The following ATP6V1B1 variants were observed in gnomAD, a reference collection of about 807,000 sequenced individuals.
ATP6V1B1 encodes V-type proton ATPase subunit B, kidney isoform.
ATP6V1B1 carries 41 observed loss-of-function variants against 62.1 expected under a neutral mutation model. That is an observed-to-expected ratio of 0.66 (90% CI 0.51 to 0.86). ATP6V1B1 has a LOEUF of 0.86. Ranked by LOEUF, ATP6V1B1 falls within the 40% of genes least tolerant of loss-of-function variation. The pLI, the probability that ATP6V1B1 is intolerant of heterozygous loss-of-function variation, is 0.00. For synonymous variants in ATP6V1B1, 253 were observed against 273.4 expected (o/e 0.93, Z 0.74); for missense variants, 651 against 697.5 (o/e 0.93, Z 0.75).
chr2:70,940,544 G>A (rs1679966818), intron 1 of ATP6V1B1: 1 of 985,334 alleles, frequency 1.0e-6, no homozygotes, highest in African/African-American at 1.7e-5. Flanking sequence ...AACACCATGT[G>A]GGTGTGGGAG....
rs782018763 is a variant in ATP6V1B1, at chr2:70,958,085, G to A, written c.214G>A (p.Asp72Asn). The A allele has an allele frequency of 6.2e-6, 10 of 1,614,188 alleles. No homozygotes were observed. In the South Asian group the frequency reaches 7.7e-5, roughly 12 times the overall value. The change falls in exon 3 of 14, where the codon GAT becomes AAT. Residue 72 changes from aspartate to asparagine, a missense_variant. Physicochemically the swap from Asp to Asn is conservative, Grantham distance 23. Coordinates refer to ENST00000234396, the MANE Select transcript of ATP6V1B1 (RefSeq NM_001692.4). ...GGAGATCGTCCACTTCACCCTCCCAGATGGGACTCAGAGGAGCGGGCAGGT... is the reference window on the plus strand; with the variant it reads ...GGAGATCGTCCACTTCACCCTCCCAAATGGGACTCAGAGGAGCGGGCAGGT... ...YAEIVHFTLP[D>N]GTQRSGQVLE...
chr2:70,964,234 C>T (rs977617692), intron 11 of ATP6V1B1: 2 of 569,102 alleles, frequency 3.5e-6, no homozygotes, highest in African/African-American at 3.8e-5. Flanking sequence ...TGTCATCTTC[C>T]CCCTCCACTG....
chr2:70,956,843 C>T (rs1680447887), intron 2 of ATP6V1B1, among the ~76,000 whole-genome samples: 1 of 152,100 alleles, frequency 6.6e-6, no homozygotes, highest in Admixed American at 6.5e-5. Context: ...CCTCAGCCTC[C>T]CAAAGTGCTG....
Position 70,942,304 on chromosome 2 carries a change from G to A in ATP6V1B1, c.119-1354G>A, listed in dbSNP as rs183657733. 468 of 398,894 alleles carry A rather than the reference G, an allele frequency of 1.2e-3. 1 individual carries two copies. Among genetic ancestry groups the A allele is most frequent in the Non-Finnish European group, 1.6e-3 (371 of 226,288 alleles). 24.7% of individuals were successfully genotyped at this position (398,894 alleles called of 1,614,324 possible). A position where few individuals can be genotyped will look rare whatever the true frequency, so the allele number is the denominator to read the frequency against. On this transcript the variant is annotated intron_variant, in intron 1 of 13. Transcript: ENST00000234396. ...GGGAGATCCCCTGCTCTGGCAAAGT[G>A]CAAGTTGAACTTATCTTCTCTGGCT... is the stretch of plus-strand genomic sequence containing the variant.
In ATP6V1B1 at chr2:70,963,069, C is replaced by G. The variant is rs1680629037; in HGVS notation, c.910-93C>G. On this transcript the variant is annotated intron_variant, in intron 9 of 13. Coordinates refer to ENST00000234396, the MANE Select transcript of ATP6V1B1 (RefSeq NM_001692.4). The surrounding 1 kb of genome is among the most constrained non-coding windows in gnomAD (Gnocchi z 4.3). Reference sequence around the variant, plus strand: ...GGCCATTCCTCCCCTGCCCCCCACTCCATTTCTCACAGGGTCACTGAACCT... The same window carrying G: ...GGCCATTCCTCCCCTGCCCCCCACTGCATTTCTCACAGGGTCACTGAACCT... 1 of 1,604,426 alleles carries G rather than the reference C, an allele frequency of 6.2e-7. No individual in the cohort carries two copies. Among genetic ancestry groups the G allele is most frequent in the East Asian group, 2.2e-5 (1 of 44,822 alleles).
At position 70,964,632 on chromosome 2, in the gene ATP6V1B1, G is replaced by C. The variant is rs1418832000; in HGVS notation, c.1248+90G>C. ...CATCTGAAGGACAAGCTTTTCTCCT[G>C]GCAAAATTCCTTTCCGAACGGGGTC... On this transcript the variant is annotated intron_variant, in intron 12 of 13. Transcript: ENST00000234396. 3.1e-6 allele frequency: 5 copies of C among 1,611,774 alleles called. No homozygotes were observed. In the Admixed American group the frequency reaches 5.0e-5, roughly 16 times the overall value.
At position 70,965,042 on chromosome 2, in the gene ATP6V1B1, G is replaced by A. The variant is rs781923702; in HGVS notation, c.1463G>A (p.Arg488His). 1.9e-6 allele frequency: 3 copies of A among 1,613,424 alleles called. No homozygotes were observed. Among genetic ancestry groups the A allele is most frequent in the Non-Finnish European group, 2.5e-6 (3 of 1,180,036 alleles). Reference protein sequence around the residue: ...LRIFPKEMLKRIPQAVIDEFY... With the variant: ...LRIFPKEMLKHIPQAVIDEFY... ...ATCTTCCCCAAGGAGATGCTGAAGC[G>A]CATTCCGCAGGCCGTGATCGACGAG... The change falls in exon 14 of 14, where the codon CGC (arginine) becomes CAC (histidine). Residue 488 changes from arginine to histidine, a missense_variant. Coordinates refer to ENST00000234396, the MANE Select transcript of ATP6V1B1 (RefSeq NM_001692.4).
intron 2 of ATP6V1B1, among the ~76,000 whole-genome samples, chr2:70,947,846 C>T (rs2104812288): frequency 6.6e-6 from 1 of 152,280 alleles, no homozygotes; most frequent in South Asian, 2.1e-4. Flanking sequence ...CGACATCAAC[C>T]GAGTTGATGG....
chr2:70,943,441 C>T (rs1680057527), intron 1 of ATP6V1B1: 2 of 682,776 alleles, frequency 2.9e-6, no homozygotes, highest in Non-Finnish European at 2.7e-6. Context: ...TGGCCCTCCC[C>T]CAGCCTCCTG....
intron 2 of ATP6V1B1, among the ~76,000 whole-genome samples, chr2:70,957,321 A>G (rs966755486): frequency 3.7e-4 from 56 of 151,182 alleles, no homozygotes; most frequent in African/African-American, 1.3e-3. Flanking sequence ...GCTGGTCTCA[A>G]ACTCCTGATC....
chr2:70,956,939 TG>T (rs1254406894), intron 2 of ATP6V1B1, among the ~76,000 whole-genome samples: 1 of 152,132 alleles, frequency 6.6e-6, no homozygotes, highest in Non-Finnish European at 1.5e-5. Context: ...TATCTCATTG[TG>T]GTTTTGATTT....
At chr2:70,940,982 T>A in intron 1 of ATP6V1B1, 2 of 870,860 alleles carry the variant, frequency 2.3e-6, no homozygotes, top group Non-Finnish European at 2.7e-6. Context: ...AATAGCATGA[T>A]CAGAGCTCAC....
chr2:70,960,663 A>T lies in ATP6V1B1; in HGVS notation c.586-258A>T, dbSNP rs112891085. ...AGGGGTATGGAGCTGCCCTATGCCA[A>T]GGTACCCAGACCCATAAAGAGGCAG... On this transcript the variant is annotated intron_variant, in intron 6 of 13. Coordinates refer to ENST00000234396, the MANE Select transcript of ATP6V1B1 (RefSeq NM_001692.4). Among the ~76,000 whole-genome samples, 4 of 152,284 alleles carry T rather than the reference A, an allele frequency of 2.6e-5. 1 individual carries two copies. The highest frequency in any genetic ancestry group is 9.6e-5 in the African/African-American group (4 of 41,556).
Position 70,965,081 on chromosome 2 carries a change from A to G in ATP6V1B1, c.1502A>G (p.Glu501Gly). 1 of 1,612,852 alleles carries G rather than the reference A, an allele frequency of 6.2e-7. No individual in the cohort carries two copies. ...QAVIDEFYSREGALQDLAPDT... is the reference protein window; with the variant it reads ...QAVIDEFYSRGGALQDLAPDT... ...GTGATCGACGAGTTCTATTCCCGCGAGGGGGCGCTGCAGGACCTCGCGCCT... is the reference window on the plus strand; with the variant it reads ...GTGATCGACGAGTTCTATTCCCGCGGGGGGGCGCTGCAGGACCTCGCGCCT... The change falls in exon 14 of 14, where the codon GAG becomes GGG. Residue 501 changes from glutamate to glycine, a missense_variant. Physicochemically the swap from Glu to Gly is moderately conservative, Grantham distance 98. Coordinates refer to ENST00000234396, the MANE Select transcript of ATP6V1B1 (RefSeq NM_001692.4).
intron 1 of ATP6V1B1, chr2:70,940,997 G>A: frequency 5.1e-6 from 4 of 783,648 alleles, no homozygotes; most frequent in Non-Finnish European, 6.1e-6. Context: ...GCTCACCGCA[G>A]CCTCAACCTC....
intron 1 of ATP6V1B1, chr2:70,941,326 T>C (rs1553416380): frequency 1.0e-6 from 1 of 985,524 alleles, no homozygotes; most frequent in Non-Finnish European, 1.2e-6. Flanking sequence ...CAGGTCTTAC[T>C]GCACCTGAAG....
chr2:70,938,771 G>A, intron 1 of ATP6V1B1: 1 of 985,400 alleles, frequency 1.0e-6, no homozygotes. Flanking sequence ...TCATCTGTTT[G>A]GGCAGAAGAT....
chr2:70,942,393 G>A, intron 1 of ATP6V1B1: 1 of 398,694 alleles, frequency 2.5e-6, no homozygotes, highest in Non-Finnish European at 4.4e-6. Context: ...AAAAATCTGT[G>A]CAAGAATCAC....
At chr2:70,937,740 CTGGAA>C (rs1369637274) in intron 1 of ATP6V1B1, among the ~76,000 whole-genome samples, 1 of 151,918 alleles carries the variant, frequency 6.6e-6, no homozygotes, top group African/African-American at 2.4e-5. Flanking sequence ...TTCCTTCTTC[CTGGAA>C]AGTGCCCCCA....
Sources: allele counts gnomAD v4.1 joint callset (sites outside exome capture counted in the v4.1 genomes callset), GRCh38; gene constraint gnomAD v4.1.1; non-coding constraint Gnocchi (gnomAD v3.1); transcripts MANE v1.5; gene names NCBI Gene and HGNC (gene_info 2026-07-23, HGNC 2026-07-21).